The following ZNF813 variants were observed in gnomAD, a reference collection of about 807,000 sequenced individuals.
ZNF813 encodes the protein zinc finger protein 813.
A neutral mutation model predicts 7.2 loss-of-function variants in ZNF813; 3 were observed. The observed-to-expected ratio is 0.42, with a 90% confidence interval of 0.19 to 1.08. The LOEUF is 1.08. Among genes scored for constraint, ZNF813 ranks in the 50% least tolerant of loss-of-function variants. ZNF813 has a pLI of 0.30. For synonymous variants in ZNF813, 227 were observed against 256.3 expected (o/e 0.89, Z 1.09); for missense variants, 714 against 753.3 (o/e 0.95, Z 0.61).
At chr19:53,487,562 C>A (rs1486881138) in intron 3 of ZNF813, among the ~76,000 whole-genome samples, 2 of 152,084 alleles carry the variant, frequency 1.3e-5, no homozygotes, top group African/African-American at 2.4e-5. Context: ...CGTAGAGAGG[C>A]CAAGGCAGGC....
At position 53,492,179 on chromosome 19, in the gene ZNF813, T is replaced by C. The variant is rs956899616; in HGVS notation, c.*93T>C. On this transcript the variant is annotated 3_prime_UTR_variant, in exon 4 of 4. Transcript: ENST00000396403. ...ACCTTCTGTCACAATTCAGTCCTTGTAATTCATAAGAATTCATACTGGAGA... is the reference window on the plus strand; with the variant it reads ...ACCTTCTGTCACAATTCAGTCCTTGCAATTCATAAGAATTCATACTGGAGA... 7.4e-5 allele frequency: 113 copies of C among 1,518,456 alleles called. No homozygotes were observed. Among genetic ancestry groups the C allele is most frequent in the Admixed American group, 1.3e-4 (6 of 46,256 alleles). 94.1% of individuals were successfully genotyped at this position (1,518,456 alleles called of 1,614,324 possible).
intron 3 of ZNF813, among the ~76,000 whole-genome samples, chr19:53,487,788 ACT>A (rs759070113): frequency 2.9e-5 from 3 of 105,150 alleles, no homozygotes; most frequent in Non-Finnish European, 5.6e-5. Context: ...ACAGAACAAG[ACT>A]CTGTCTCAAA....
rs1173818169 is a variant in ZNF813 at position 53,492,288 on chromosome 19, C to A, written c.*202C>A. 1.2e-6 allele frequency: 1 copy of A among 835,180 alleles called. No individual in the cohort carries two copies. The highest frequency in any genetic ancestry group is 1.7e-5 in the African/African-American group (1 of 58,474). The allele number at this position is 835,180 out of a possible 1,614,324, so 51.7% of individuals were successfully genotyped here. A position where few individuals can be genotyped will look rare whatever the true frequency, so the allele number is the denominator to read the frequency against. ...TCATAGACTTCATAGTGGAGAGAAA[C>A]CTTAGAAATGTGAAGCATGTGACAA... On this transcript the variant is annotated 3_prime_UTR_variant, in exon 4 of 4. Transcript: ENST00000396403.
At chr19:53,488,282 G>A (rs997895518) in intron 3 of ZNF813, 8 of 454,912 alleles carry the variant, frequency 1.8e-5, no homozygotes, top group African/African-American at 6.0e-5. Flanking sequence ...CTCAGCCTCC[G>A]AAACTGCTGC....
intron 3 of ZNF813, among the ~76,000 whole-genome samples, chr19:53,490,148 C>T (rs2086452102): frequency 6.6e-6 from 1 of 152,184 alleles, no homozygotes; most frequent in Non-Finnish European, 1.5e-5. Context: ...CATTTGTGCA[C>T]TGTCAGTGTT....
At chr19:53,481,344 CTTTTTTTT>C (rs66842546) in intron 1 of ZNF813, among the ~76,000 whole-genome samples, 1 of 106,400 alleles carries the variant, frequency 9.4e-6, no homozygotes, top group Non-Finnish European at 1.8e-5. Flanking sequence ...CCCATGTATT[CTTTTTTTT>C]TTTTTTTTTT....
At chr19:53,485,910 G>T (rs1462246262) in intron 2 of ZNF813, among the ~76,000 whole-genome samples, 1 of 151,950 alleles carries the variant, frequency 6.6e-6, no homozygotes, top group Non-Finnish European at 1.5e-5. Flanking sequence ...GTTTGTTTGT[G>T]TGTTTGTTTT....
chr19:53,476,669 T>C (rs1214743972), intron 1 of ZNF813, among the ~76,000 whole-genome samples: 1 of 151,972 alleles, frequency 6.6e-6, no homozygotes, highest in East Asian at 1.9e-4. Context: ...TTTTTGTTTG[T>C]TTGAGACGGA....
At chr19:53,487,718 A>C (rs1333330432) in intron 3 of ZNF813, among the ~76,000 whole-genome samples, 1 of 150,602 alleles carries the variant, frequency 6.6e-6, no homozygotes, top group African/African-American at 2.4e-5. Flanking sequence ...GAGTCGCTTG[A>C]ACCTGGGAGG....
At chr19:53,482,099 A>G (rs1279925738) in intron 1 of ZNF813, among the ~76,000 whole-genome samples, 1 of 152,194 alleles carries the variant, frequency 6.6e-6, no homozygotes, top group Non-Finnish European at 1.5e-5. Context: ...GATTGGCAAA[A>G]TAGAGTACGT....
chr19:53,473,917 A>C (rs1459705281), intron 1 of ZNF813, among the ~76,000 whole-genome samples: 1 of 152,172 alleles, frequency 6.6e-6, no homozygotes, highest in African/African-American at 2.4e-5. Flanking sequence ...ATCTTATCTC[A>C]GGTGAGTTTC....
At chr19:53,482,519 TG>T (rs899727180) in intron 1 of ZNF813, among the ~76,000 whole-genome samples, 1 of 152,140 alleles carries the variant, frequency 6.6e-6, no homozygotes, top group African/African-American at 2.4e-5. Context: ...TTCCTGTCTC[TG>T]GTCATTGTCC....
At chr19:53,484,100 A>G (rs562852599) in intron 2 of ZNF813, among the ~76,000 whole-genome samples, 2 of 151,968 alleles carry the variant, frequency 1.3e-5, no homozygotes, top group African/African-American at 2.4e-5. Context: ...TGAGGGTCCC[A>G]TGGTGTCAGT....
intron 1 of ZNF813, among the ~76,000 whole-genome samples, chr19:53,478,705 G>T (rs1442502422): frequency 2.0e-5 from 3 of 152,148 alleles, no homozygotes; most frequent in Non-Finnish European, 4.4e-5. Context: ...TTAAACCTGG[G>T]AGGTAGAGGT....
intron 3 of ZNF813, chr19:53,488,379 G>C (rs773944179): frequency 2.9e-6 from 1 of 340,146 alleles, no homozygotes; most frequent in East Asian, 1.0e-4. Context: ...GTGGGTTGGA[G>C]TGACTCTTTA....
intron 1 of ZNF813, among the ~76,000 whole-genome samples, chr19:53,473,427 T>A (rs989778843): frequency 1.3e-5 from 2 of 152,186 alleles, no homozygotes; most frequent in Non-Finnish European, 2.9e-5. Flanking sequence ...AGGGCTGTCG[T>A]CCTCAGCAGC....
chr19:53,490,185 C>T lies in ZNF813; in HGVS notation c.143-190C>T, dbSNP rs138521196. ...TGTCGTGATATTGGAAATAGGGTTC[C>T]GTAGAGATGATTTGAAGCACATGTA... On this transcript the variant is annotated intron_variant, in intron 3 of 3. Coordinates refer to ENST00000396403, the MANE Select transcript of ZNF813 (RefSeq NM_001004301.4). Among the ~76,000 whole-genome samples, 842 of 152,160 alleles carry T rather than the reference C, an allele frequency of 5.5e-3. 8 individuals are homozygous for T. Among genetic ancestry groups the T allele is most frequent in the Non-Finnish European group, 7.5e-3 (511 of 68,000 alleles).
intron 1 of ZNF813, chr19:53,479,458 G>A (rs2617688): frequency 0.2 from 301,148 of 1,516,690 alleles, 31,114 homozygotes; most frequent in Admixed American, 0.29. Context: ...AGCTGAGAGA[G>A]AAAGGTGGGC....
chr19:53,470,681 C>T (rs1406295796), intron 1 of ZNF813, among the ~76,000 whole-genome samples: 1 of 142,106 alleles, frequency 7.0e-6, no homozygotes, highest in Non-Finnish European at 1.5e-5. Context: ...AAGAGGGACT[C>T]AGGAGTCTAC....
Sources: allele counts gnomAD v4.1 joint callset (sites outside exome capture counted in the v4.1 genomes callset), GRCh38; gene constraint gnomAD v4.1.1; transcripts MANE v1.5; gene names NCBI Gene and HGNC (gene_info 2026-07-23, HGNC 2026-07-21).